The following DLGAP2 variants were observed in gnomAD, a reference collection of about 807,000 sequenced individuals.
DLGAP2 encodes the protein disks large-associated protein 2.
A neutral mutation model predicts 100.3 loss-of-function variants in DLGAP2; 26 were observed. The observed-to-expected ratio is 0.26, with a 90% CI of 0.19 to 0.36. The LOEUF is 0.36. Among genes scored for constraint, DLGAP2 ranks in the 10% least tolerant of loss-of-function variants. The pLI is 1.00. For missense variants in DLGAP2, 1,858 were observed against 1,453.2 expected, an observed-to-expected ratio of 1.28 and a Z score of -4.53; for synonymous variants, 886 against 630.1, an observed-to-expected ratio of 1.41 and a Z score of -6.08.
chr8:932,235 C>T (rs1798976248), intron 2 of DLGAP2, among the ~76,000 whole-genome samples: 1 of 152,230 alleles, frequency 6.6e-6, no homozygotes, highest in African/African-American at 2.4e-5. Context: ...TGCAGTCCAG[C>T]AGCCACGTGT....
chr8:1,168,981 C>A (rs1198880702), intron 2 of DLGAP2, among the ~76,000 whole-genome samples: 6 of 146,740 alleles, frequency 4.1e-5, no homozygotes, highest in Admixed American at 7.0e-5. Context: ...AATGGTATTG[C>A]CTAGGTTTTC....
chr8:1,381,952 A>ATT (rs1796107256), intron 3 of DLGAP2, among the ~76,000 whole-genome samples: 1 of 152,202 alleles, frequency 6.6e-6, no homozygotes, highest in African/African-American at 2.4e-5. Flanking sequence ...TAAAGTCTAC[A>ATT]CAGTGTTTTT....
chr8:1,413,310 G>A (rs1258820383), intron 3 of DLGAP2, among the ~76,000 whole-genome samples: 1 of 152,098 alleles, frequency 6.6e-6, no homozygotes, highest in Non-Finnish European at 1.5e-5. Flanking sequence ...ATGAATAAAT[G>A]GATAGATATT....
chr8:1,476,992 C>T (rs1173658083), intron 3 of DLGAP2, among the ~76,000 whole-genome samples: 1 of 151,964 alleles, frequency 6.6e-6, no homozygotes, highest in Admixed American at 6.6e-5. Flanking sequence ...TTTGTGTGAC[C>T]CTCCAGGAAC....
chr8:946,319 A>G (rs150665786), intron 2 of DLGAP2, among the ~76,000 whole-genome samples: 6,551 of 149,100 alleles, frequency 0.044, 218 homozygotes, highest in Middle Eastern at 0.089. Flanking sequence ...GCTGGAGTGC[A>G]GTGGTGCGAT....
intron 3 of DLGAP2, among the ~76,000 whole-genome samples, chr8:1,279,422 T>A (rs1398954838): frequency 6.6e-6 from 1 of 152,224 alleles, no homozygotes; most frequent in East Asian, 1.9e-4. Flanking sequence ...AGTATGAAAG[T>A]TAGATGTGTT....
intron 6 of DLGAP2, among the ~76,000 whole-genome samples, chr8:1,579,534 C>T (rs1015151102): frequency 2.0e-4 from 30 of 151,916 alleles, no homozygotes; most frequent in African/African-American, 7.0e-4. Context: ...GAGAGTTTTT[C>T]AATATAAGTA....
chr8:1,335,021 G>T (rs113096719), intron 3 of DLGAP2, among the ~76,000 whole-genome samples: 2,328 of 152,294 alleles, frequency 0.015, 37 homozygotes, highest in Non-Finnish European at 0.023. Flanking sequence ...AAGCATCTAA[G>T]TAAATCGTAG....
At chr8:1,276,176 C>G (rs1272964386) in intron 3 of DLGAP2, among the ~76,000 whole-genome samples, 1 of 149,236 alleles carries the variant, frequency 6.7e-6, no homozygotes, top group Non-Finnish European at 1.5e-5. Context: ...AGGCATTGCT[C>G]AAGGAGTTGC....
intron 1 of DLGAP2, among the ~76,000 whole-genome samples, chr8:812,264 CCTT>C (rs1243877502): frequency 2.0e-5 from 3 of 152,168 alleles, no homozygotes; most frequent in Non-Finnish European, 4.4e-5. Flanking sequence ...GGCCCCATGA[CCTT>C]CTGCGTGACC....
chr8:922,495 T>C (rs1158244996), intron 2 of DLGAP2, among the ~76,000 whole-genome samples: 1 of 152,234 alleles, frequency 6.6e-6, no homozygotes, highest in Non-Finnish European at 1.5e-5. Flanking sequence ...TTTTTAAAAC[T>C]ATGACTTACT....
intron 5 of DLGAP2, among the ~76,000 whole-genome samples, chr8:1,565,240 T>A (rs1377370507): frequency 6.6e-6 from 1 of 152,242 alleles, no homozygotes; most frequent in Non-Finnish European, 1.5e-5. Context: ...AAAACCGTCC[T>A]CTTTTATTTG....
intron 3 of DLGAP2, among the ~76,000 whole-genome samples, chr8:1,303,356 C>A (rs1159741012): frequency 1.3e-5 from 2 of 149,082 alleles, no homozygotes; most frequent in Non-Finnish European, 3.0e-5. Flanking sequence ...GAGATCGCGC[C>A]ACCGCACTCC....
At chr8:1,589,313 A>T (rs949984268) in intron 6 of DLGAP2, among the ~76,000 whole-genome samples, 1 of 152,268 alleles carries the variant, frequency 6.6e-6, no homozygotes, top group Non-Finnish European at 1.5e-5. Context: ...TGCAGTTACC[A>T]TAGTAATAAA....
intron 3 of DLGAP2, among the ~76,000 whole-genome samples, chr8:1,383,848 T>A (rs1796150854): frequency 2.0e-5 from 3 of 152,276 alleles, no homozygotes; most frequent in Admixed American, 1.3e-4. Context: ...AACTAATGAA[T>A]CTCTTCACTC....
At chr8:1,245,265 A>G (rs184827050) in intron 2 of DLGAP2, among the ~76,000 whole-genome samples, 68 of 152,328 alleles carry the variant, frequency 4.5e-4, no homozygotes, top group African/African-American at 1.6e-3. Context: ...AATGAAACAT[A>G]TGTCCACTAA....
At chr8:784,910 A>G (rs1210509563) in intron 1 of DLGAP2, among the ~76,000 whole-genome samples, 1 of 152,164 alleles carries the variant, frequency 6.6e-6, no homozygotes, top group Non-Finnish European at 1.5e-5. Context: ...CAGCCACTAA[A>G]AAAAGGGCAC....
intron 3 of DLGAP2, among the ~76,000 whole-genome samples, chr8:1,421,774 G>A (rs1797093305): frequency 6.6e-6 from 1 of 151,964 alleles, no homozygotes; most frequent in Non-Finnish European, 1.5e-5. Flanking sequence ...GACCAGCCTG[G>A]CCAACATGGT....
At chr8:967,843 T>TTGA (rs1799915592) in intron 2 of DLGAP2, among the ~76,000 whole-genome samples, 1 of 64,396 alleles carries the variant, frequency 1.6e-5, no homozygotes, top group Non-Finnish European at 2.8e-5. Context: ...TATATATATA[T>TTGA]ATATATATAT....
Sources: allele counts gnomAD v4.1 joint callset (sites outside exome capture counted in the v4.1 genomes callset), GRCh38; gene constraint gnomAD v4.1.1; transcripts MANE v1.5; gene names NCBI Gene and HGNC (gene_info 2026-07-23, HGNC 2026-07-21).